Variants in SPEF2 observed in about 807,000 individuals in gnomAD.
SPEF2 encodes sperm flagella and cilia-associated protein 2.
SPEF2 carries 187 observed loss-of-function variants against 224.6 expected under a neutral mutation model. The observed-to-expected ratio is 0.83, with a 90% CI of 0.74 to 0.94. The LOEUF (loss-of-function observed/expected upper bound fraction) is 0.94, where lower values mean the gene tolerates loss of function less well. Among genes scored for constraint, SPEF2 ranks in the 40% least tolerant of loss-of-function variants. SPEF2 has a pLI of 0.00. For missense variants in SPEF2, 2,170 were observed against 2,135.6 expected, an observed-to-expected ratio of 1.02 and a Z score of -0.32; for synonymous variants, 715 against 707.3, an observed-to-expected ratio of 1.01 and a Z score of -0.17.
intron 6 of SPEF2, among the ~76,000 whole-genome samples, chr5:35,652,686 ACTTCT>A (rs1311276639): frequency 1.3e-5 from 2 of 152,316 alleles, no homozygotes; most frequent in East Asian, 3.9e-4. Flanking sequence ...AAAATAGGAT[ACTTCT>A]CTTATTCACT....
chr5:35,712,511 C>A (rs1164754389), intron 19 of SPEF2, among the ~76,000 whole-genome samples: 2 of 152,162 alleles, frequency 1.3e-5, no homozygotes, highest in Non-Finnish European at 2.9e-5. Flanking sequence ...TTAAAAATGC[C>A]ACAGCTAGTT....
intron 33 of SPEF2, among the ~76,000 whole-genome samples, chr5:35,798,319 A>G (rs930792481): frequency 1.3e-5 from 2 of 152,000 alleles, no homozygotes; most frequent in Admixed American, 6.5e-5. Context: ...ACCTCCTGCC[A>G]TGCTCCCTTT....
In SPEF2 at chr5:35,776,399, A is replaced by G; in HGVS notation, c.4217+4A>G. Reference sequence around the variant, plus strand: ...GGTATTTGAATGAAATGGCCAGGTAAAGTACTACATGACTTTCTGAAAATA... The same window carrying G: ...GGTATTTGAATGAAATGGCCAGGTAGAGTACTACATGACTTTCTGAAAATA... On this transcript the variant is annotated splice_donor_region_variant and intron_variant, in intron 29 of 36. Coordinates refer to ENST00000356031, the MANE Select transcript of SPEF2 (RefSeq NM_024867.4). 1 of 1,605,866 alleles carries G rather than the reference A, an allele frequency of 6.2e-7. No homozygotes were observed. The highest frequency in any genetic ancestry group is 1.1e-5 in the South Asian group (1 of 89,508).
At chr5:35,747,861 A>AC (rs1450381842) in intron 23 of SPEF2, among the ~76,000 whole-genome samples, 1 of 152,132 alleles carries the variant, frequency 6.6e-6, no homozygotes, top group Non-Finnish European at 1.5e-5. Flanking sequence ...AAAACACATC[A>AC]CCCAGCAACT....
intron 20 of SPEF2, among the ~76,000 whole-genome samples, chr5:35,722,731 C>G (rs563869206): frequency 1.4e-5 from 2 of 140,660 alleles, no homozygotes; most frequent in Non-Finnish European, 3.0e-5. Flanking sequence ...TGAGAATATG[C>G]GGTGTTTGGT....
In SPEF2 at chr5:35,644,360, T is replaced by C; in HGVS notation, c.420T>C (p.Leu140=). Residue 140 remains leucine, a synonymous_variant, in exon 4 of 37, where the codon CTT becomes CTC. Coordinates refer to ENST00000356031, the MANE Select transcript of SPEF2 (RefSeq NM_024867.4). Reference sequence around the variant, plus strand: ...GAAATGCTTTTTTCATTTAGAGACTTAGACACATGATACCACGTCAAACTG... The same window carrying C: ...GAAATGCTTTTTTCATTTAGAGACTCAGACACATGATACCACGTCAAACTG... ...NMKSDTFQER[L]RHMIPRQTDF... is the part of the protein sequence containing the mutation. The C allele has an allele frequency of 1.9e-6, 3 of 1,566,136 alleles. No homozygotes were observed. Among genetic ancestry groups the C allele is most frequent in the Non-Finnish European group, 2.6e-6 (3 of 1,157,162 alleles).
chr5:35,755,397 A>C (rs1389444444), intron 24 of SPEF2, among the ~76,000 whole-genome samples: 1 of 152,184 alleles, frequency 6.6e-6, no homozygotes, highest in African/African-American at 2.4e-5. Context: ...ATTTTTATGA[A>C]TCATTCTTCA....
intron 9 of SPEF2, among the ~76,000 whole-genome samples, chr5:35,668,020 T>C (rs1750750159): frequency 1.3e-5 from 2 of 152,202 alleles, no homozygotes; most frequent in African/African-American, 4.8e-5. Context: ...CACCAAATAC[T>C]GGCAAGGATC....
At chr5:35,689,359 A>G (rs1327999095) in intron 10 of SPEF2, among the ~76,000 whole-genome samples, 1 of 152,160 alleles carries the variant, frequency 6.6e-6, no homozygotes, top group East Asian at 1.9e-4. Context: ...ATACTTCTGT[A>G]ACATTTGTTA....
Position 35,807,007 on chromosome 5 carries a change from G to A in SPEF2, c.5256+55G>A, listed in dbSNP as rs540319419. ...CCTCAATTCTGAGCATATTTTTATG[G>A]AATTGCTCTCAAAATATATCATAGT... On this transcript the variant is annotated intron_variant, in intron 35 of 36. Transcript: ENST00000356031. 2.6e-5 allele frequency: 41 copies of A among 1,564,682 alleles called. No homozygotes were observed. The East Asian group carries it at 8.1e-4, about 31-fold the overall frequency.
intron 26 of SPEF2, among the ~76,000 whole-genome samples, chr5:35,763,904 T>C (rs191642151): frequency 3.9e-5 from 6 of 152,300 alleles, no homozygotes; most frequent in African/African-American, 1.4e-4. Flanking sequence ...AACCAACATT[T>C]AGGTTATTTT....
chr5:35,780,270 C>A (rs1476614126), intron 30 of SPEF2, among the ~76,000 whole-genome samples: 1 of 152,116 alleles, frequency 6.6e-6, no homozygotes, highest in Non-Finnish European at 1.5e-5. Context: ...TTAAAAAAGT[C>A]CAGTATTTCC....
intron 29 of SPEF2, among the ~76,000 whole-genome samples, chr5:35,777,020 T>C (rs1306230351): frequency 1.3e-5 from 2 of 152,314 alleles, no homozygotes; most frequent in Middle Eastern, 3.4e-3. Context: ...AGTAGCATGC[T>C]TGATTGCTCT....
At chr5:35,709,611 T>C (rs1049066679) in intron 19 of SPEF2, 2 of 985,004 alleles carry the variant, frequency 2.0e-6, no homozygotes, top group East Asian at 1.1e-4. Context: ...TATAAAAGTA[T>C]AGAAACAAGC....
intron 30 of SPEF2, among the ~76,000 whole-genome samples, chr5:35,785,538 A>T (rs1325900393): frequency 6.6e-6 from 1 of 151,574 alleles, no homozygotes; most frequent in Non-Finnish European, 1.5e-5. Flanking sequence ...TTTTTAATTT[A>T]AATTTAAATT....
rs1382766222 is a variant in SPEF2 at position 35,659,166 on chromosome 5, A to G, written c.1126A>G (p.Arg376Gly). The change falls in exon 8 of 37, where the codon AGA becomes GGA. Residue 376 changes from arginine to glycine, a missense_variant. Transcript: ENST00000356031. ...TTTCAGAGAAAAACAACATGAGGAA[A>G]GACGACTTAAAGATTTCCAGGATGC... ...RIFREKQHEE[R>G]RLKDFQDALD... 6.2e-7 allele frequency: 1 copy of G among 1,612,464 alleles called. No homozygotes were observed. Among genetic ancestry groups the G allele is most frequent in the African/African-American group, 1.3e-5 (1 of 74,858 alleles).
intron 2 of SPEF2, among the ~76,000 whole-genome samples, chr5:35,636,138 C>G (rs1745804802): frequency 6.6e-6 from 1 of 152,118 alleles, no homozygotes; most frequent in African/African-American, 2.4e-5. Flanking sequence ...TTTAGTAGCT[C>G]TCCTGGACTA....
intron 21 of SPEF2, among the ~76,000 whole-genome samples, chr5:35,739,652 A>T (rs1428001623): frequency 2.6e-5 from 4 of 152,138 alleles, no homozygotes; most frequent in African/African-American, 9.7e-5. Flanking sequence ...AAGTGCTGGG[A>T]TTACAGGCAT....
At chr5:35,658,197 G>A (rs955102162) in intron 7 of SPEF2, among the ~76,000 whole-genome samples, 1 of 152,258 alleles carries the variant, frequency 6.6e-6, no homozygotes, top group South Asian at 2.1e-4. Flanking sequence ...AATTGCCCAA[G>A]GCCACCCAGC....
Sources: gnomAD v4.1 joint callset for allele counts (sites outside exome capture counted in the v4.1 genomes callset) on GRCh38, gnomAD v4.1.1 for gene constraint, MANE v1.5 for transcripts, NCBI Gene and HGNC (gene_info 2026-07-23, HGNC 2026-07-21) for gene names.